Variants in PRR5 observed in about 807,000 individuals in gnomAD.
The protein encoded by PRR5 is proline-rich protein 5.
In PRR5, 25 loss-of-function variants were observed where a neutral mutation model predicts 30.6. The ratio of observed to expected loss-of-function variants is 0.82; its 90% confidence interval spans 0.60 to 1.14. The LOEUF is 1.14. Ranked by LOEUF, PRR5 falls within the 50% of genes most tolerant of loss-of-function variation. PRR5 has a pLI of 0.00. For synonymous variants in PRR5, 286 were observed against 247.1 expected (o/e 1.16, Z -1.48); for missense variants, 600 against 547.1 (o/e 1.10, Z -0.96).
At chr22:44,685,554 G>A (rs77226065) in intron 1 of PRR5, among the ~76,000 whole-genome samples, 48 of 130,896 alleles carry the variant, frequency 3.7e-4, no homozygotes, top group Admixed American at 5.8e-4. Context: ...CACCCCTCTC[G>A]CCAGTGAAAG....
rs1239071826 is a variant in PRR5, at chr22:44,702,238, C to T, written c.-237C>T. 12 of 1,122,252 alleles carry T rather than the reference C, an allele frequency of 1.1e-5. No homozygotes were observed. In the South Asian group the frequency reaches 3.0e-4, roughly 28 times the overall value. The allele number at this position is 1,122,252 out of a possible 1,614,324, so 69.5% of individuals were successfully genotyped here. On this transcript the variant is annotated 5_prime_UTR_variant, in exon 1 of 8. Transcript: ENST00000336985. ...TTGCGCCGGGTCTGTGCTGGCCGCG[C>T]GCCTGGCGCTCCACGCTGAGCCTCT...
intron 3 of PRR5, among the ~76,000 whole-genome samples, chr22:44,725,526 AATGGCGTG>A (rs1920929291): frequency 6.6e-6 from 1 of 152,198 alleles, no homozygotes; most frequent in South Asian, 2.1e-4. Context: ...GCTGGAGTGC[AATGGCGTG>A]ATCCCAGCTC....
upstream of PRR5, among the ~76,000 whole-genome samples, chr22:44,698,687 A>G (rs1021237561): frequency 6.6e-6 from 1 of 152,230 alleles, no homozygotes; most frequent in Non-Finnish European, 1.5e-5. Flanking sequence ...AGGCCCAGCA[A>G]GACTGTCACC....
At chr22:44,734,930 A>G in intron 6 of PRR5, 97 bp from the exon 7 acceptor site, 1 of 1,439,426 alleles carries the variant, frequency 6.9e-7, no homozygotes, top group Non-Finnish European at 9.5e-7. Flanking sequence ...CGGGAGGCAG[A>G]GGACAGGCTG....
chr22:44,705,992 G>A (rs920680997), intron 1 of PRR5, among the ~76,000 whole-genome samples: 2 of 152,006 alleles, frequency 1.3e-5, no homozygotes, highest in Non-Finnish European at 2.9e-5. Flanking sequence ...TAGAGACAGG[G>A]TTTCACCGTG....
At chr22:44,712,335 C>T (rs1243649266) in intron 1 of PRR5, among the ~76,000 whole-genome samples, 2 of 152,198 alleles carry the variant, frequency 1.3e-5, no homozygotes, top group Non-Finnish European at 2.9e-5. Flanking sequence ...AGCCTGTGGC[C>T]GGGCCAGGCC....
At chr22:44,720,612 T>A (rs1350939775) in intron 2 of PRR5, among the ~76,000 whole-genome samples, 1 of 152,168 alleles carries the variant, frequency 6.6e-6, no homozygotes, top group East Asian at 1.9e-4. Flanking sequence ...CTTACACGCT[T>A]GGGAGGTGGA....
chr22:44,727,883 A>C (rs1334103888), intron 4 of PRR5, among the ~76,000 whole-genome samples: 2 of 152,198 alleles, frequency 1.3e-5, no homozygotes, highest in Non-Finnish European at 2.9e-5. Flanking sequence ...TCGGGGAGAC[A>C]TGGGGGTTCT....
intron 1 of PRR5, among the ~76,000 whole-genome samples, chr22:44,713,965 T>G (rs1011879440): frequency 6.6e-6 from 1 of 152,108 alleles, no homozygotes; most frequent in Non-Finnish European, 1.5e-5. Context: ...CATCGCGCCC[T>G]GCTGATTTTT....
At chr22:44,699,139 C>G (rs1282948295), upstream of PRR5, among the ~76,000 whole-genome samples, 1 of 152,198 alleles carries the variant, frequency 6.6e-6, no homozygotes, top group East Asian at 1.9e-4. Flanking sequence ...ATTCCTCAGC[C>G]ATCCCCACCT....
chr22:44,709,128 A>G (rs1485817520), intron 1 of PRR5, among the ~76,000 whole-genome samples: 1 of 152,066 alleles, frequency 6.6e-6, no homozygotes, highest in Non-Finnish European at 1.5e-5. Flanking sequence ...TCCAGGCTGG[A>G]TGGGGGCCTG....
intron 7 of PRR5, among the ~76,000 whole-genome samples, chr22:44,735,604 C>T (rs1569115354): frequency 1.3e-5 from 2 of 152,204 alleles, no homozygotes; most frequent in East Asian, 3.9e-4. Context: ...GCACAGCTGG[C>T]CACGTTGCTC....
intron 1 of PRR5, among the ~76,000 whole-genome samples, chr22:44,703,354 C>CG (rs920252257): frequency 1.7e-4 from 24 of 141,892 alleles, no homozygotes; most frequent in Non-Finnish European, 2.6e-4. Context: ...GGACACTGTT[C>CG]GGGGGAGGCT....
At chr22:44,700,038 AG>A (rs574339760), upstream of PRR5, among the ~76,000 whole-genome samples, 72 of 152,140 alleles carry the variant, frequency 4.7e-4, no homozygotes, top group Non-Finnish European at 7.6e-4. Flanking sequence ...AGCGTGGGCT[AG>A]GCACAGTAGT....
At chr22:44,689,582 G>A (rs769869274) in intron 1 of PRR5, among the ~76,000 whole-genome samples, 1 of 152,218 alleles carries the variant, frequency 6.6e-6, no homozygotes, top group Non-Finnish European at 1.5e-5. Flanking sequence ...GCGCACCATG[G>A]AAGTCACCTG....
At chr22:44,678,648 C>T (rs1035808374) in intron 1 of PRR5, among the ~76,000 whole-genome samples, 4 of 152,176 alleles carry the variant, frequency 2.6e-5, no homozygotes, top group Non-Finnish European at 5.9e-5. Flanking sequence ...GGAAGGCATC[C>T]TTCTCTAGAA....
intron 4 of PRR5, among the ~76,000 whole-genome samples, chr22:44,727,536 G>A (rs115284396): frequency 0.014 from 2,173 of 152,302 alleles, 55 homozygotes; most frequent in African/African-American, 0.049. Flanking sequence ...AGAAGCCACC[G>A]TTGTTAGCAC....
At chr22:44,704,752 A>G (rs907589842) in intron 1 of PRR5, among the ~76,000 whole-genome samples, 23 of 151,748 alleles carry the variant, frequency 1.5e-4, no homozygotes, top group African/African-American at 5.6e-4. Context: ...CAGAGAGAGC[A>G]CCCAGGAGAC....
rs61604082 is a variant in PRR5, at chr22:44,693,795, A to ATTTTTTTTTTTTTTTTTTT, written c.-10-8695_-10-8677dup. On this transcript the variant is annotated intron_variant, in intron 1 of 8. Transcript: ENST00000006251. ...CAGGCGCCTGCCACCACACTCGGCT[A>ATTTTTTTTTTTTTTTTTTT]TTTTTTTTTTTTTTTTTTTTGTATT... Among the ~76,000 whole-genome samples, 71 of 79,610 alleles carry ATTTTTTTTTTTTTTTTTTT rather than the reference A, an allele frequency of 8.9e-4. 3 individuals carry two copies. The highest frequency in any genetic ancestry group is 1.2e-3 in the African/African-American group (23 of 18,502). 52.2% of individuals were successfully genotyped at this position (79,610 alleles called of 152,430 possible). A position where few individuals can be genotyped will look rare whatever the true frequency, so the allele number is the denominator to read the frequency against.
Sources: gnomAD v4.1 joint callset for allele counts (sites outside exome capture counted in the v4.1 genomes callset) on GRCh38, gnomAD v4.1.1 for gene constraint, MANE v1.5 for transcripts, NCBI Gene and HGNC (gene_info 2026-07-23, HGNC 2026-07-21) for gene names.